Variants in ARHGAP39 observed in about 807,000 individuals in gnomAD.
ARHGAP39 encodes the protein Rho GTPase activating protein 39, also known as rho GTPase-activating protein 39.
A neutral mutation model predicts 106.9 loss-of-function variants in ARHGAP39; 44 were observed. The observed-to-expected ratio is 0.41, with a 90% CI of 0.32 to 0.53. The LOEUF is 0.53. Ranked by LOEUF, ARHGAP39 falls within the 20% of genes least tolerant of loss-of-function variation. The pLI, the probability that ARHGAP39 is intolerant of heterozygous loss-of-function variation, is 0.21. For synonymous variants in ARHGAP39, 768 were observed against 693.2 expected, an observed-to-expected ratio of 1.11 and a Z score of -1.69; for missense variants, 1,496 against 1,577.3, an observed-to-expected ratio of 0.95 and a Z score of 0.87.
chr8:144,642,866 C>T (rs561247625), intron 1 of ARHGAP39, among the ~76,000 whole-genome samples: 5 of 151,980 alleles, frequency 3.3e-5, no homozygotes, highest in Non-Finnish European at 5.9e-5. Context: ...CAGACTAATA[C>T]ATCAGGTGTG....
chr8:144,617,913 C>A (rs1446298496), intron 1 of ARHGAP39, among the ~76,000 whole-genome samples: 2 of 152,110 alleles, frequency 1.3e-5, no homozygotes, highest in Admixed American at 6.5e-5. Flanking sequence ...TCCTGAGAAG[C>A]CGGGACCACA....
chr8:144,603,355 G>A (rs1198970698), intron 2 of ARHGAP39, among the ~76,000 whole-genome samples: 2 of 152,022 alleles, frequency 1.3e-5, no homozygotes, highest in Non-Finnish European at 2.9e-5. Flanking sequence ...GTGCACGCTC[G>A]TGAACCTGTG....
Position 144,612,756 on chromosome 8 carries a change from G to T in ARHGAP39, c.-81-7061C>A, listed in dbSNP as rs536733524. Among the ~76,000 whole-genome samples, 5 of 151,662 alleles carry T rather than the reference G, an allele frequency of 3.3e-5. No individual in the cohort carries two copies. The South Asian group carries it at 1.0e-3, about 32-fold the overall frequency. On this transcript the variant is annotated intron_variant, in intron 1 of 11. Transcript: ENST00000377307. ...AGGGCGACAGAGTGAGGTGAGCCAC[G>T]GCTGCGCCGCTGCACTCCAGCCAGG...
intron 4 of ARHGAP39, 101 bp downstream of exon 4, chr8:144,555,459 G>T: frequency 1.9e-6 from 2 of 1,040,416 alleles, no homozygotes; most frequent in Non-Finnish European, 1.5e-6. Flanking sequence ...GGTCTGTGGT[G>T]TTGCTGCTAC....
chr8:144,623,945 C>T (rs1416555690), intron 1 of ARHGAP39, among the ~76,000 whole-genome samples: 1 of 152,204 alleles, frequency 6.6e-6, no homozygotes, highest in African/African-American at 2.4e-5. Flanking sequence ...GACAACAGCA[C>T]ACCAACTGCA....
At chr8:144,690,573 C>A (rs1273857009), upstream of ARHGAP39, among the ~76,000 whole-genome samples, 1 of 151,950 alleles carries the variant, frequency 6.6e-6, no homozygotes, top group African/African-American at 2.4e-5. Context: ...CGATGTTGAA[C>A]AACTTTTCAT....
Position 144,672,266 on chromosome 8 carries a change from G to A in ARHGAP39, c.-82+13420C>T, listed in dbSNP as rs375832713. Among the ~76,000 whole-genome samples, 263 of 152,340 alleles carry A rather than the reference G, an allele frequency of 1.7e-3. 16 individuals are homozygous for A. In the South Asian group the frequency reaches 0.053, roughly 31 times the overall value. ...CTTACACTGCAGAGGCTTCAGCACA[G>A]CTCTGAGTGGCAGGAGGAACATGCT... On this transcript the variant is annotated intron_variant, in intron 1 of 11. Coordinates refer to ENST00000377307, the MANE Select transcript of ARHGAP39 (RefSeq NM_025251.3).
At position 144,623,541 on chromosome 8, in the gene ARHGAP39, C is replaced by T. The variant is rs528444498; in HGVS notation, c.-81-17846G>A. 1.3e-4 allele frequency among the ~76,000 whole-genome samples: 20 copies of T among 152,356 alleles called. No individual in the cohort carries two copies. The South Asian group carries it at 3.7e-3, about 28-fold the overall frequency. ...TACAAGGCTTCCGCGACTGGCGAGGCGACCCAGACCTGACAGGCGGCCTCG... is the reference window on the plus strand; with the variant it reads ...TACAAGGCTTCCGCGACTGGCGAGGTGACCCAGACCTGACAGGCGGCCTCG... On this transcript the variant is annotated intron_variant, in intron 1 of 11. Transcript: ENST00000377307.
chr8:144,575,879 A>G (rs990935599), intron 3 of ARHGAP39, among the ~76,000 whole-genome samples: 1 of 152,214 alleles, frequency 6.6e-6, no homozygotes, highest in African/African-American at 2.4e-5. Context: ...GCACACAACC[A>G]TGGTAGGTCA....
At chr8:144,622,126 C>T (rs1008327452) in intron 1 of ARHGAP39, among the ~76,000 whole-genome samples, 15 of 152,192 alleles carry the variant, frequency 9.9e-5, no homozygotes, top group Middle Eastern at 6.3e-3. Context: ...GAGCCCCCCA[C>T]GGCCTCGTGC....
chr8:144,553,354 C>G (rs938272816), intron 4 of ARHGAP39, among the ~76,000 whole-genome samples: 8 of 152,188 alleles, frequency 5.3e-5, no homozygotes, highest in Non-Finnish European at 1.0e-4. Flanking sequence ...GGTGCCTGCT[C>G]TCAACCAGTC....
intron 4 of ARHGAP39, among the ~76,000 whole-genome samples, chr8:144,552,943 G>C (rs1287149804): frequency 6.6e-6 from 1 of 152,238 alleles, no homozygotes. Context: ...TCTGGGGGCA[G>C]AGTGGGGCTT....
At chr8:144,566,182 C>G (rs1818388986) in intron 3 of ARHGAP39, among the ~76,000 whole-genome samples, 1 of 152,108 alleles carries the variant, frequency 6.6e-6, no homozygotes, top group South Asian at 2.1e-4. Context: ...GTCCAAGAAG[C>G]TACACGAACC....
At chr8:144,535,278 G>A (rs1309347942) in intron 7 of ARHGAP39, among the ~76,000 whole-genome samples, 1 of 152,222 alleles carries the variant, frequency 6.6e-6, no homozygotes, top group Non-Finnish European at 1.5e-5. Context: ...CAGAATAGTT[G>A]ACATGTGACT....
rs766487738 is a variant in ARHGAP39, at chr8:144,547,325, G to T, written c.1761C>A (p.Ser587Arg). ...GCATGGGCAGTGGCAGGGCGCCGTC[G>T]CTCTCGTAGCCAGAGCCGTCCTGCT... is the stretch of plus-strand genomic sequence containing the variant. Reference protein sequence around the residue: ...DSQQDGSGYESDGALPLPMPG... With the variant: ...DSQQDGSGYERDGALPLPMPG... The change falls in exon 5 of 12, where the codon AGC becomes AGA. Residue 587 changes from serine to arginine, a missense_variant. Ser to Arg is a moderately radical substitution (Grantham distance 110). Coordinates refer to ENST00000377307, the MANE Select transcript of ARHGAP39 (RefSeq NM_025251.3). This position sits in a 1 kb window ranked among gnomAD's most constrained non-coding sequence, Gnocchi z 5.2. The T allele has an allele frequency of 4.4e-6, 7 of 1,608,968 alleles. 1 individual carries two copies. The South Asian group carries it at 6.6e-5, about 15-fold the overall frequency.
chr8:144,694,205 T>TGGGGCAGGGGCCAGGTG, the ARHGAP39 span, among the ~76,000 whole-genome samples: 1 of 152,104 alleles, frequency 6.6e-6, no homozygotes, highest in Non-Finnish European at 1.5e-5. Context: ...ATAGGCTGCA[T>TGGGGCAGGGGCCAGGTG]GGGGCAGGGG....
At chr8:144,633,172 A>G (rs1821105784) in intron 1 of ARHGAP39, among the ~76,000 whole-genome samples, 1 of 151,886 alleles carries the variant, frequency 6.6e-6, no homozygotes. Context: ...TGTTTTTAAA[A>G]GAAAGGCCAG....
At chr8:144,695,782 A>G in the ARHGAP39 span, among the ~76,000 whole-genome samples, 1 of 152,256 alleles carries the variant, frequency 6.6e-6, no homozygotes, top group Non-Finnish European at 1.5e-5. Flanking sequence ...AAAGACGATT[A>G]CAAGGTGATA....
Position 144,530,351 on chromosome 8 carries a change from C to T in ARHGAP39, c.*71G>A, listed in dbSNP as rs925742475. On this transcript the variant is annotated 3_prime_UTR_variant, in exon 12 of 12. Coordinates refer to ENST00000377307, the MANE Select transcript of ARHGAP39 (RefSeq NM_025251.3). ...GGCCGGGCGATTCTGGCCCCTCTGC[C>T]GGGAGAGCGAGTGCGGAGTTCGGCC... 3 of 1,482,140 alleles carry T rather than the reference C, an allele frequency of 2.0e-6. No homozygotes were observed. The highest frequency in any genetic ancestry group is 2.0e-5 in the Admixed American group (1 of 49,472). The allele number at this position is 1,482,140 out of a possible 1,614,324, so 91.8% of individuals were successfully genotyped here. A position where few individuals can be genotyped will look rare whatever the true frequency, so the allele number is the denominator to read the frequency against.
Sources: allele counts gnomAD v4.1 joint callset (sites outside exome capture counted in the v4.1 genomes callset), GRCh38; gene constraint gnomAD v4.1.1; non-coding constraint Gnocchi (gnomAD v3.1); transcripts MANE v1.5; gene names NCBI Gene and HGNC (gene_info 2026-07-23, HGNC 2026-07-21).